Variants in USP48 observed in about 807,000 individuals in gnomAD.
USP48 encodes ubiquitin specific peptidase 48, also known as ubiquitin carboxyl-terminal hydrolase 48.
A neutral mutation model predicts 150.7 loss-of-function variants in USP48; 43 were observed. The ratio of observed to expected loss-of-function variants is 0.29; its 90% CI spans 0.22 to 0.37. The LOEUF is 0.37. USP48 is among the 10% of genes least tolerant of loss of function. USP48 has a pLI of 1.00. For missense variants in USP48, 813 were observed against 1,249.6 expected, an observed-to-expected ratio of 0.65 and a Z score of 5.27; for synonymous variants, 396 against 425.9, an observed-to-expected ratio of 0.93 and a Z score of 0.86.
In USP48 at chr1:21,701,425, G is replaced by A. The variant is rs1342075489; in HGVS notation, c.2727+73C>T. On this transcript the variant is annotated intron_variant, in intron 22 of 26. Transcript: ENST00000308271. ...ATCCCATACAGGGTACAGAGACATG[G>A]CCAGGGGCTTCGAGTGGCTGCTCTA... 2.3e-6 allele frequency: 3 copies of A among 1,306,228 alleles called. No homozygotes were observed. The Admixed American group carries it at 5.2e-5, about 23-fold the overall frequency. The allele number at this position is 1,306,228 out of a possible 1,614,324, so 80.9% of individuals were successfully genotyped here. A position where few individuals can be genotyped will look rare whatever the true frequency, so the allele number is the denominator to read the frequency against.
chr1:21,685,767 T>C (rs990563746), intron 25 of USP48: 3 of 152,236 alleles, frequency 2.0e-5, no homozygotes, highest in Non-Finnish European at 4.4e-5. Context: ...TTTTACTGAA[T>C]GTTCATCAGT....
At chr1:21,770,920 G>T (rs964679140) in intron 1 of USP48, among the ~76,000 whole-genome samples, 1 of 151,430 alleles carries the variant, frequency 6.6e-6, no homozygotes, top group Non-Finnish European at 1.5e-5. Context: ...GCCCGGAGTT[G>T]AAGACCAGCC....
intron 1 of USP48, among the ~76,000 whole-genome samples, chr1:21,762,488 G>T (rs1480728478): frequency 6.6e-6 from 1 of 152,148 alleles, no homozygotes; most frequent in Non-Finnish European, 1.5e-5. Flanking sequence ...CACTTATTTT[G>T]TCAATCCTTT....
chr1:21,680,993 G>T, intron 25 of USP48, 159 bp from the exon 26 acceptor site: 2 of 589,036 alleles, frequency 3.4e-6, no homozygotes, highest in Non-Finnish European at 2.9e-6. Context: ...ACTAATTTCA[G>T]AACAATCTTT....
chr1:21,722,489 C>T (rs535911), intron 12 of USP48, among the ~76,000 whole-genome samples: 122,309 of 150,892 alleles, frequency 0.81, 50,300 homozygotes, highest in Admixed American at 0.88. Flanking sequence ...TAGTGCACTA[C>T]GATTCCACCA....
rs773821936 is a variant in USP48 at position 21,695,150 on chromosome 1, G to C, written c.2799C>G (p.Arg933=). The C allele has an allele frequency of 1.2e-6, 2 of 1,613,474 alleles. No individual in the cohort carries two copies. The highest frequency in any genetic ancestry group is 1.7e-6 in the Non-Finnish European group (2 of 1,179,800). Residue 933 remains arginine (R), a synonymous_variant, in exon 23 of 27, where the codon CGC becomes CGG. Coordinates refer to ENST00000308271, the MANE Select transcript of USP48 (RefSeq NM_032236.8). ...NYIAYQKQVI[R]RSMRHRKVRG... ...GAACTTTTCTATGTCGCATACTTCG[G>C]CGAATAACTTGCTTTTGATAGGCTA... is the stretch of plus-strand genomic sequence containing the variant.
chr1:21,777,984 A>G (rs2097904007), intron 1 of USP48, among the ~76,000 whole-genome samples: 1 of 151,118 alleles, frequency 6.6e-6, no homozygotes, highest in Admixed American at 6.6e-5. Context: ...AAAAAAAAAA[A>G]AAAAAAAAAT....
rs1272351668 is a variant in USP48 at position 21,687,787 on chromosome 1, G to A, written c.3010-548C>T. On this transcript the variant is annotated intron_variant, in intron 24 of 26. Transcript: ENST00000308271. ...ACCAGTACAGACTCTAGCTGCCCAT[G>A]TGAAGTACAAACCGTTCAACAATAC... 7.2e-5 allele frequency among the ~76,000 whole-genome samples: 11 copies of A among 152,348 alleles called. No individual in the cohort carries two copies. The East Asian group carries it at 1.9e-3, about 27-fold the overall frequency.
chr1:21,739,371 T>C (rs769227345), intron 8 of USP48, among the ~76,000 whole-genome samples: 2 of 151,770 alleles, frequency 1.3e-5, no homozygotes, highest in Non-Finnish European at 1.5e-5. Flanking sequence ...ATACAAAAAT[T>C]AGTCAAGCAT....
chr1:21,752,951 A>C (rs1557572075), intron 4 of USP48, 41 bp downstream of exon 4: 1 of 1,542,194 alleles, frequency 6.5e-7, no homozygotes, highest in Non-Finnish European at 8.7e-7. Context: ...ATGTTTGGGT[A>C]CCTCTGAATA....
At chr1:21,701,680 C>A in intron 21 of USP48, 78 bp from the exon 22 acceptor site, 3 of 1,160,424 alleles carry the variant, frequency 2.6e-6, no homozygotes, top group South Asian at 1.2e-5. Flanking sequence ...GGGCTGGGAC[C>A]GGCAACCTTT....
intron 8 of USP48, among the ~76,000 whole-genome samples, chr1:21,746,684 T>A (rs1444890625): frequency 6.6e-6 from 1 of 152,208 alleles, no homozygotes. Flanking sequence ...CTAATGTTTC[T>A]GGGACAACGT....
Position 21,679,150 on chromosome 1 carries a change from C to T in USP48, c.*267G>A. 1 of 542,424 alleles carries T rather than the reference C, an allele frequency of 1.8e-6. No homozygotes were observed. The highest frequency in any genetic ancestry group is 3.2e-5 in the East Asian group (1 of 31,612). The allele number at this position is 542,424 out of a possible 1,614,324, so 33.6% of individuals were successfully genotyped here. On this transcript the variant is annotated 3_prime_UTR_variant, in exon 27 of 27. Coordinates refer to ENST00000308271, the MANE Select transcript of USP48 (RefSeq NM_032236.8). ...ATGATTTACTATTACTGCTACTAAA[C>T]TTGTTCCGTCTTTACTTGCCCCCTC...
At position 21,679,337 on chromosome 1, in the gene USP48, C is replaced by G. The variant is rs1355837648; in HGVS notation, c.*80G>C. ...CATGTAATGGTTTAATTCTTAAATCCACCTTTGCTTTAATGCCCTAACATG... is the reference window on the plus strand; with the variant it reads ...CATGTAATGGTTTAATTCTTAAATCGACCTTTGCTTTAATGCCCTAACATG... On this transcript the variant is annotated 3_prime_UTR_variant, in exon 27 of 27. Coordinates refer to ENST00000308271, the MANE Select transcript of USP48 (RefSeq NM_032236.8). 9.6e-6 allele frequency: 15 copies of G among 1,562,440 alleles called. No individual in the cohort carries two copies. Among genetic ancestry groups the G allele is most frequent in the Non-Finnish European group, 1.1e-5 (13 of 1,133,402 alleles).
At chr1:21,782,376 G>T (rs2097916781) in intron 1 of USP48, among the ~76,000 whole-genome samples, 1 of 152,004 alleles carries the variant, frequency 6.6e-6, no homozygotes, top group South Asian at 2.1e-4. Context: ...GATGACGTAG[G>T]CTGACCACAG....
intron 1 of USP48, 108 bp downstream of exon 1, chr1:21,782,716 C>T (rs780221221): frequency 3.7e-5 from 52 of 1,391,454 alleles, no homozygotes; most frequent in Non-Finnish European, 4.9e-5. Flanking sequence ...CTCGGCTCCG[C>T]GCCTCCCAAA....
intron 23 of USP48, among the ~76,000 whole-genome samples, chr1:21,691,904 T>C (rs2097602388): frequency 6.6e-6 from 1 of 152,124 alleles, no homozygotes. Flanking sequence ...ATGTATCTTA[T>C]ATTACACCAA....
At chr1:21,772,082 T>C (rs2097882436) in intron 1 of USP48, among the ~76,000 whole-genome samples, 1 of 152,078 alleles carries the variant, frequency 6.6e-6, no homozygotes, top group Non-Finnish European at 1.5e-5. Context: ...TATTGATGGA[T>C]CCCTACCTCA....
intron 1 of USP48, among the ~76,000 whole-genome samples, chr1:21,759,959 A>G (rs886682885): frequency 1.3e-5 from 2 of 152,232 alleles, no homozygotes; most frequent in African/African-American, 2.4e-5. Flanking sequence ...AAAGATAATA[A>G]CTTTCAGTGG....
Sources: gnomAD v4.1 joint callset for allele counts (sites outside exome capture counted in the v4.1 genomes callset) on GRCh38, gnomAD v4.1.1 for gene constraint, MANE v1.5 for transcripts, NCBI Gene and HGNC (gene_info 2026-07-23, HGNC 2026-07-21) for gene names.